Variants in CACNA2D3 observed in about 807,000 individuals in gnomAD.
CACNA2D3 encodes calcium voltage-gated channel auxiliary subunit alpha2delta 3, also known as voltage-dependent calcium channel subunit alpha-2/delta-3.
CACNA2D3 carries 60 observed loss-of-function variants against 160.6 expected under a neutral mutation model. That is an observed-to-expected ratio of 0.37 (90% confidence interval 0.30 to 0.46). The LOEUF is 0.46. Ranked by LOEUF, CACNA2D3 falls within the 20% of genes least tolerant of loss-of-function variation. The pLI, the probability that CACNA2D3 is intolerant of heterozygous loss-of-function variation, is 1.00. For missense variants in CACNA2D3, 1,205 were observed against 1,365.0 expected (o/e 0.88, Z 1.85); for synonymous variants, 558 against 492.9 (o/e 1.13, Z -1.75).
intron 5 of CACNA2D3, among the ~76,000 whole-genome samples, chr3:54,536,131 A>G (rs1701885551): frequency 6.6e-6 from 1 of 152,212 alleles, no homozygotes; most frequent in South Asian, 2.1e-4. Flanking sequence ...TATTAAAAAC[A>G]TCCAGTGTTC....
chr3:54,315,485 A>G (rs1024948803), intron 2 of CACNA2D3, among the ~76,000 whole-genome samples: 1 of 152,230 alleles, frequency 6.6e-6, no homozygotes, highest in East Asian at 1.9e-4. Flanking sequence ...TTTTTATGGT[A>G]GTAAAATGGG....
intron 3 of CACNA2D3, among the ~76,000 whole-genome samples, chr3:54,369,389 G>A (rs992662103): frequency 3.3e-5 from 5 of 152,180 alleles, no homozygotes; most frequent in Admixed American, 3.3e-4. Context: ...TGTGCTCAGT[G>A]GTGTGGACAC....
chr3:54,361,672 G>T (rs1008620722), intron 3 of CACNA2D3, among the ~76,000 whole-genome samples: 8 of 152,184 alleles, frequency 5.3e-5, no homozygotes, highest in Admixed American at 4.6e-4. Flanking sequence ...GCTTGTGGTT[G>T]ACCATGAACT....
intron 13 of CACNA2D3, among the ~76,000 whole-genome samples, chr3:54,765,449 G>A (rs1197647339): frequency 6.6e-6 from 1 of 152,192 alleles, no homozygotes; most frequent in East Asian, 1.9e-4. Context: ...GAGACCATGA[G>A]CTTTTATCAG....
chr3:54,891,831 A>G (rs540668139), intron 25 of CACNA2D3, among the ~76,000 whole-genome samples: 1 of 152,334 alleles, frequency 6.6e-6, no homozygotes, highest in African/African-American at 2.4e-5. Context: ...ATGCTGAGGA[A>G]TTCCTGCCTG....
intron 4 of CACNA2D3, among the ~76,000 whole-genome samples, chr3:54,487,110 G>T (rs1273380647): frequency 6.6e-6 from 1 of 152,118 alleles, no homozygotes; most frequent in Non-Finnish European, 1.5e-5. Flanking sequence ...ATTCAAAAAG[G>T]CAGTCCTGCA....
At chr3:54,871,010 C>T (rs143966557) in intron 17 of CACNA2D3, among the ~76,000 whole-genome samples, 7 of 151,600 alleles carry the variant, frequency 4.6e-5, no homozygotes, top group African/African-American at 1.2e-4. Flanking sequence ...AGCCCTTTCT[C>T]GTATCACGGA....
chr3:54,734,622 G>T (rs1307440427), intron 11 of CACNA2D3, among the ~76,000 whole-genome samples: 8 of 152,196 alleles, frequency 5.3e-5, no homozygotes, highest in Non-Finnish European at 8.8e-5. Flanking sequence ...GATGCTCGAA[G>T]CATCTTTGCA....
chr3:54,232,560 T>G (rs913340495), intron 2 of CACNA2D3, among the ~76,000 whole-genome samples: 2 of 152,186 alleles, frequency 1.3e-5, no homozygotes, highest in Non-Finnish European at 2.9e-5. Flanking sequence ...TGTTTCCTTG[T>G]TTTGGTTGAA....
chr3:54,584,591 A>C (rs750833670), intron 9 of CACNA2D3, among the ~76,000 whole-genome samples: 2 of 152,238 alleles, frequency 1.3e-5, no homozygotes, highest in African/African-American at 2.4e-5. Flanking sequence ...GAGAGGAGAG[A>C]GAGAATGGGA....
intron 13 of CACNA2D3, among the ~76,000 whole-genome samples, chr3:54,774,351 A>AGGC (rs1702380041): frequency 6.6e-6 from 1 of 152,144 alleles, no homozygotes; most frequent in African/African-American, 2.4e-5. Context: ...TCATCGTGGA[A>AGGC]GGCAAAGGGG....
At chr3:54,998,871 C>A (rs535120642) in intron 31 of CACNA2D3, among the ~76,000 whole-genome samples, 1 of 152,060 alleles carries the variant, frequency 6.6e-6, no homozygotes, top group African/African-American at 2.4e-5. Context: ...CTAAGCCTCC[C>A]GAGTAGCTGG....
chr3:54,955,390 G>A (rs560910639), intron 27 of CACNA2D3, among the ~76,000 whole-genome samples: 56 of 152,200 alleles, frequency 3.7e-4, no homozygotes, highest in Admixed American at 1.0e-3. Flanking sequence ...TCTGGTCATT[G>A]ATCTTTCCTG....
chr3:54,517,756 C>T (rs1575499478), intron 5 of CACNA2D3, among the ~76,000 whole-genome samples: 2 of 152,188 alleles, frequency 1.3e-5, no homozygotes, highest in East Asian at 1.9e-4. Context: ...TCCTGATGCC[C>T]CCAAGGCTGC....
chr3:54,459,161 C>T (rs1482711618), intron 4 of CACNA2D3, among the ~76,000 whole-genome samples: 3 of 151,982 alleles, frequency 2.0e-5, no homozygotes, highest in Non-Finnish European at 4.4e-5. Flanking sequence ...TTTCTTAATC[C>T]AGTCTATCAT....
chr3:54,472,745 GA>G (rs1370313323), intron 4 of CACNA2D3, among the ~76,000 whole-genome samples: 1 of 152,116 alleles, frequency 6.6e-6, no homozygotes, highest in African/African-American at 2.4e-5. Context: ...ACCAATAATA[GA>G]TAAACAGAGA....
intron 14 of CACNA2D3, among the ~76,000 whole-genome samples, chr3:54,828,334 T>C (rs11130434): frequency 0.1 from 15,384 of 152,238 alleles, 850 homozygotes; most frequent in South Asian, 0.17. Context: ...TCATTAGTCC[T>C]GGGCATTCTT....
chr3:54,183,777 C>A (rs529798812), intron 2 of CACNA2D3, among the ~76,000 whole-genome samples: 1 of 149,638 alleles, frequency 6.7e-6, no homozygotes, highest in African/African-American at 2.5e-5. Context: ...CCCAGCTACT[C>A]GGGAGGCTGA....
chr3:54,471,425 A>G (rs1700729823), intron 4 of CACNA2D3, among the ~76,000 whole-genome samples: 1 of 152,228 alleles, frequency 6.6e-6, no homozygotes, highest in Non-Finnish European at 1.5e-5. Flanking sequence ...AATTTATAGC[A>G]CTAAATGCCC....
Sources: gnomAD v4.1 joint callset for allele counts (sites outside exome capture counted in the v4.1 genomes callset) on GRCh38, gnomAD v4.1.1 for gene constraint, MANE v1.5 for transcripts, NCBI Gene and HGNC (gene_info 2026-07-23, HGNC 2026-07-21) for gene names.